PCLO: variants seen among roughly 807,000 people sequenced by gnomAD.
PCLO encodes piccolo presynaptic cytomatrix protein, also known as protein piccolo.
In PCLO, 82 loss-of-function variants were observed where a neutral mutation model predicts 427.5. That is an observed-to-expected ratio of 0.19 (90% CI 0.16 to 0.23). PCLO has a LOEUF of 0.23. Ranked by LOEUF, PCLO falls within the 10% of genes least tolerant of loss-of-function variation. The pLI, the probability that PCLO is intolerant of heterozygous loss-of-function variation, is 1.00. For missense variants in PCLO, 6,239 were observed against 6,115.9 expected (o/e 1.02, Z -0.67); for synonymous variants, 2,357 against 2,155.4 (o/e 1.09, Z -2.59).
Position 82,911,450 on chromosome 7 carries a change from T to TTA in PCLO, c.13301-2438_13301-2437insTA, listed in dbSNP as rs201942467. Among the ~76,000 whole-genome samples the TTA allele has an allele frequency of 5.8e-3, 876 of 152,114 alleles. 11 individuals carry two copies. Among genetic ancestry groups the TTA allele is most frequent in the African/African-American group, 0.02 (828 of 41,472 alleles). On this transcript the variant is annotated intron_variant, in intron 7 of 24. Coordinates refer to ENST00000333891, the MANE Select transcript of PCLO (RefSeq NM_033026.6). ...AAGGAGACTAACAGTATTTTTTTTT[T>TTA]AAACTTGACAATATTTTCTTGAATT...
At position 83,161,406 on chromosome 7, in the gene PCLO, T is replaced by C. The variant is rs1368861202; in HGVS notation, c.248+939A>G. On this transcript the variant is annotated intron_variant, in intron 1 of 24. Coordinates refer to ENST00000333891, the MANE Select transcript of PCLO (RefSeq NM_033026.6). ...TGTTCTCTACTAGAGGGTGCAAAGT[T>C]AAAGGGTTTGTTTACAGTAAGAAAG... Among the ~76,000 whole-genome samples, 2 of 152,156 alleles carry C rather than the reference T, an allele frequency of 1.3e-5. 1 individual carries two copies. The highest frequency in any genetic ancestry group is 2.9e-5 in the Non-Finnish European group (2 of 68,028).
intron 3 of PCLO, among the ~76,000 whole-genome samples, chr7:83,040,273 C>T (rs879503956): frequency 6.6e-6 from 1 of 152,092 alleles, no homozygotes; most frequent in Non-Finnish European, 1.5e-5. Context: ...TCTATTCTCC[C>T]ACTCTGTCCA....
chr7:82,847,556 C>T (rs1792536757), intron 10 of PCLO, among the ~76,000 whole-genome samples: 1 of 152,130 alleles, frequency 6.6e-6, no homozygotes, highest in African/African-American at 2.4e-5. Flanking sequence ...ATATATTGCT[C>T]AGACCAATTT....
intron 3 of PCLO, among the ~76,000 whole-genome samples, chr7:83,055,999 C>G (rs552613412): frequency 3.6e-4 from 55 of 152,020 alleles, no homozygotes; most frequent in Non-Finnish European, 6.6e-4. Flanking sequence ...AGGGTGCAAC[C>G]TAATTTTTTA....
chr7:82,898,880 C>T (rs754213546), intron 9 of PCLO, among the ~76,000 whole-genome samples: 21 of 151,346 alleles, frequency 1.4e-4, no homozygotes, highest in Non-Finnish European at 2.5e-4. Flanking sequence ...TCTACATCTC[C>T]AACATTCTCT....
At chr7:82,925,181 G>T (rs536169784) in intron 6 of PCLO, among the ~76,000 whole-genome samples, 30 of 152,078 alleles carry the variant, frequency 2.0e-4, no homozygotes, top group Admixed American at 2.0e-3. Context: ...TCTTTTTAGG[G>T]TGTAAAAATC....
intron 20 of PCLO, among the ~76,000 whole-genome samples, chr7:82,807,725 ATAGT>A (rs1394002576): frequency 2.8e-4 from 43 of 152,170 alleles, no homozygotes; most frequent in Admixed American, 2.8e-3. Context: ...GAAATTGTTA[ATAGT>A]TAGTCAATTG....
At chr7:82,887,253 G>A (rs545434761) in intron 9 of PCLO, among the ~76,000 whole-genome samples, 10 of 152,058 alleles carry the variant, frequency 6.6e-5, no homozygotes, top group Admixed American at 6.6e-5. Flanking sequence ...AGAACTCATC[G>A]TTTTTCTCTT....
chr7:83,008,678 G>C (rs928488010), intron 3 of PCLO, among the ~76,000 whole-genome samples: 2 of 151,594 alleles, frequency 1.3e-5, no homozygotes, highest in African/African-American at 4.8e-5. Context: ...TGCAGGGTTA[G>C]GTAGGAAAGA....
chr7:82,947,414 T>G (rs1795228895), intron 6 of PCLO, among the ~76,000 whole-genome samples: 1 of 152,204 alleles, frequency 6.6e-6, no homozygotes, highest in Non-Finnish European at 1.5e-5. Context: ...AAAATTATTT[T>G]TTTAGTATAG....
At chr7:83,124,209 C>T (rs1013754778) in intron 3 of PCLO, among the ~76,000 whole-genome samples, 5 of 151,068 alleles carry the variant, frequency 3.3e-5, no homozygotes, top group African/African-American at 9.7e-5. Context: ...CCCAGCTACT[C>T]GGAAGGCTGA....
intron 22 of PCLO, among the ~76,000 whole-genome samples, chr7:82,777,000 T>A (rs1176362903): frequency 6.6e-6 from 1 of 151,984 alleles, no homozygotes; most frequent in Non-Finnish European, 1.5e-5. Flanking sequence ...AGTTGTTAAT[T>A]TGAGATATTC....
chr7:82,954,180 C>G lies in PCLO; in HGVS notation c.6773G>C (p.Ser2258Thr). Reference sequence around the variant, plus strand: ...TAAGGAAATAACAATATGATCAGCACTAGCTCTACCATCTGGTGGGGCAGT... The same window carrying G: ...TAAGGAAATAACAATATGATCAGCAGTAGCTCTACCATCTGGTGGGGCAGT... The part of the protein sequence containing the change: ...DRTAPPDGRA[S>T]ADHIVISLSD... Residue 2258 changes from serine to threonine, a missense_variant, in exon 5 of 25, where the codon AGT (serine) becomes ACT (threonine). Ser to Thr is a moderately conservative substitution (Grantham distance 58). Around this residue, in one of 5 missense-constraint regions of PCLO, gnomAD observed 4,677 missense variants for 4,468.4 expected, o/e 1.05. Transcript: ENST00000333891. 6.2e-7 allele frequency: 1 copy of G among 1,613,682 alleles called. No individual in the cohort carries two copies. The highest frequency in any genetic ancestry group is 1.7e-4 in the Middle Eastern group (1 of 6,058).
chr7:83,128,264 A>G (rs980678826), intron 3 of PCLO, among the ~76,000 whole-genome samples: 6 of 152,152 alleles, frequency 3.9e-5, no homozygotes, highest in Non-Finnish European at 8.8e-5. Context: ...GAGTGTAACC[A>G]GAAAAAATGA....
chr7:82,789,562 T>C lies in PCLO; in HGVS notation c.15007+11956A>G, dbSNP rs534977875. 1.1e-4 allele frequency among the ~76,000 whole-genome samples: 16 copies of C among 151,988 alleles called. No individual in the cohort carries two copies. In the South Asian group the frequency reaches 3.1e-3, roughly 30 times the overall value. Reference sequence around the variant, plus strand: ...CTCTACTAAAAATACAAAAGTTAACTGGGCGTGGTGGCAGGCACCTGTAAT... The same window carrying C: ...CTCTACTAAAAATACAAAAGTTAACCGGGCGTGGTGGCAGGCACCTGTAAT... On this transcript the variant is annotated intron_variant, in intron 22 of 24. Coordinates refer to ENST00000333891, the MANE Select transcript of PCLO (RefSeq NM_033026.6).
intron 2 of PCLO, among the ~76,000 whole-genome samples, chr7:83,143,773 A>C (rs1156384792): frequency 6.6e-6 from 1 of 152,188 alleles, no homozygotes; most frequent in African/African-American, 2.4e-5. Context: ...CAAATCAGTA[A>C]ATTGAACTTA....
intron 4 of PCLO, among the ~76,000 whole-genome samples, chr7:82,958,865 A>G (rs1795591970): frequency 6.6e-6 from 1 of 152,158 alleles, no homozygotes; most frequent in African/African-American, 2.4e-5. Context: ...AAAATGCCAG[A>G]GCACATTTTT....
At chr7:83,057,193 T>G (rs1430173207) in intron 3 of PCLO, among the ~76,000 whole-genome samples, 1 of 142,678 alleles carries the variant, frequency 7.0e-6, no homozygotes, top group African/African-American at 2.6e-5. Context: ...AAGAGATTCT[T>G]GTGCCTCAGT....
chr7:83,124,742 G>T (rs1019970910), intron 3 of PCLO, among the ~76,000 whole-genome samples: 1 of 151,910 alleles, frequency 6.6e-6, no homozygotes, highest in East Asian at 1.9e-4. Flanking sequence ...TCCATCTCCC[G>T]CTTTCCACGG....
Sources: gnomAD v4.1 joint callset for allele counts (sites outside exome capture counted in the v4.1 genomes callset) on GRCh38, gnomAD v4.1.1 for gene constraint, gnomAD v4.1.1 regional missense constraint, MANE v1.5 for transcripts, NCBI Gene and HGNC (gene_info 2026-07-23, HGNC 2026-07-21) for gene names.